The following L3MBTL1 variants were observed in gnomAD, a reference collection of about 807,000 sequenced individuals.
L3MBTL1 encodes L3MBTL histone methyl-lysine binding protein 1.
Under a neutral mutation model 105.3 loss-of-function variants are expected in L3MBTL1, and 75 were observed. The observed-to-expected ratio is 0.71, with a 90% CI of 0.59 to 0.86. The LOEUF is 0.86. L3MBTL1 is among the 40% of genes least tolerant of loss of function. L3MBTL1 has a pLI of 0.00. For missense variants in L3MBTL1, 1,069 were observed against 1,126.4 expected, an observed-to-expected ratio of 0.95 and a Z score of 0.73; for synonymous variants, 452 against 436.2, an observed-to-expected ratio of 1.04 and a Z score of -0.45.
At chr20:43,524,259 T>C (rs1017495363) in intron 7 of L3MBTL1, among the ~76,000 whole-genome samples, 4 of 152,258 alleles carry the variant, frequency 2.6e-5, no homozygotes, top group Non-Finnish European at 5.9e-5. Flanking sequence ...CCTTTTCTAA[T>C]ATGTTTATTT....
intron 7 of L3MBTL1, among the ~76,000 whole-genome samples, chr20:43,521,889 A>G (rs957174686): frequency 6.6e-6 from 1 of 152,110 alleles, no homozygotes; most frequent in Non-Finnish European, 1.5e-5. Context: ...ATTTTCACTG[A>G]TACTCCATTT....
intron 1 of L3MBTL1, among the ~76,000 whole-genome samples, chr20:43,509,016 T>G (rs1214523534): frequency 6.6e-6 from 1 of 152,130 alleles, no homozygotes; most frequent in Non-Finnish European, 1.5e-5. Flanking sequence ...CTGAAAACTT[T>G]CTTCAGTGTC....
At chr20:43,533,967 A>G in intron 13 of L3MBTL1, 41 bp from the exon 14 acceptor site, 1 of 1,458,288 alleles carries the variant, frequency 6.9e-7, no homozygotes, top group Non-Finnish European at 9.6e-7. Context: ...CTTCCGCAGT[A>G]CACCTGGGTG....
At chr20:43,536,363 G>A (rs2019620924) in intron 18 of L3MBTL1, 46 bp from the exon 19 acceptor site, 1 of 1,613,408 alleles carries the variant, frequency 6.2e-7, no homozygotes, top group African/African-American at 1.3e-5. Flanking sequence ...CTTGGACTGG[G>A]CCAGACACTG....
At chr20:43,517,927 GAAGGCA>G (rs1174829391) in intron 7 of L3MBTL1, among the ~76,000 whole-genome samples, 1 of 152,204 alleles carries the variant, frequency 6.6e-6, no homozygotes, top group Non-Finnish European at 1.5e-5. Flanking sequence ...ATTCATATCA[GAAGGCA>G]AAGGTTTAGC....
intron 1 of L3MBTL1, among the ~76,000 whole-genome samples, chr20:43,512,326 G>T (rs1010590509): frequency 6.6e-6 from 1 of 152,090 alleles, no homozygotes; most frequent in Non-Finnish European, 1.5e-5. Flanking sequence ...ATTTTAATAC[G>T]TCTAAAGCTG....
Position 43,530,890 on chromosome 20 carries a change from G to C in L3MBTL1, c.1284+1G>C, listed in dbSNP as rs538643774. The C allele has an allele frequency of 6.2e-7, 1 of 1,612,828 alleles. No homozygotes were observed. Among genetic ancestry groups the C allele is most frequent in the Non-Finnish European group, 8.5e-7 (1 of 1,179,272 alleles). On this transcript the variant is annotated splice_donor_variant, in intron 11 of 21. Transcript: ENST00000418998. LOFTEE classifies it high-confidence loss of function. ...GCACCTGTTTGTGAGCCAGAGCCAC[G>C]TGAGTGCCCCTGAGTGAGAGTGGAT...
Position 43,541,282 on chromosome 20 carries a change from T to C in L3MBTL1, c.*154T>C. 4.4e-6 allele frequency: 6 copies of C among 1,377,586 alleles called. No individual in the cohort carries two copies. Among genetic ancestry groups the C allele is most frequent in the Non-Finnish European group, 5.7e-6 (6 of 1,045,454 alleles). 85.3% of individuals were successfully genotyped at this position (1,377,586 alleles called of 1,614,324 possible). A position where few individuals can be genotyped will look rare whatever the true frequency, so the allele number is the denominator to read the frequency against. On this transcript the variant is annotated 3_prime_UTR_variant, in exon 22 of 22. Coordinates refer to ENST00000418998, the MANE Select transcript of L3MBTL1 (RefSeq NM_001377303.1). ...TGTAGATAAAAAAAGAATGTCAGCT[T>C]TGGAGACAGTCTGGGTTTAAATCCC...
intron 18 of L3MBTL1, among the ~76,000 whole-genome samples, chr20:43,547,258 C>T (rs1195832646): frequency 6.6e-6 from 1 of 152,072 alleles, no homozygotes; most frequent in Non-Finnish European, 1.5e-5. Context: ...GCGCCCGCCA[C>T]CACGCCCAGC....
Position 43,522,457 on chromosome 20 carries a change from G to GTTTTTTTTT in L3MBTL1, c.863-6177_863-6169dup, listed in dbSNP as rs1176856356. 6.3e-3 allele frequency among the ~76,000 whole-genome samples: 602 copies of GTTTTTTTTT among 95,654 alleles called. 87 individuals are homozygous for GTTTTTTTTT. Among genetic ancestry groups the GTTTTTTTTT allele is most frequent in the Non-Finnish European group, 7.7e-3 (406 of 52,946 alleles). The allele number at this position is 95,654 out of a possible 152,430, so 62.8% of individuals were successfully genotyped here. On this transcript the variant is annotated intron_variant, in intron 7 of 21. Coordinates refer to ENST00000418998, the MANE Select transcript of L3MBTL1 (RefSeq NM_001377303.1). ...TGGTAACTGAATTTTTCCCTGCTAA[G>GTTTTTTTTT]TTTTTTTTTTTTTTTTTTTTTTTTT...
At chr20:43,523,085 T>A (rs2018821700) in intron 7 of L3MBTL1, among the ~76,000 whole-genome samples, 1 of 151,870 alleles carries the variant, frequency 6.6e-6, no homozygotes, top group African/African-American at 2.4e-5. Flanking sequence ...CCAGCCTGGG[T>A]GACAGAGTGA....
chr20:43,544,730 C>T (rs1978470889), downstream of L3MBTL1, among the ~76,000 whole-genome samples: 1 of 152,090 alleles, frequency 6.6e-6, no homozygotes, highest in South Asian at 2.1e-4. Flanking sequence ...TTTGGGAGGC[C>T]AAGGCGGGCG....
rs538951967 is a variant in L3MBTL1, at chr20:43,513,709, C to T, written c.136+70C>T. 16 of 1,546,446 alleles carry T rather than the reference C, an allele frequency of 1.0e-5. No individual in the cohort carries two copies. In the Admixed American group the frequency reaches 2.0e-4, roughly 19 times the overall value. On this transcript the variant is annotated intron_variant, in intron 2 of 21. Transcript: ENST00000418998. Reference sequence around the variant, plus strand: ...GTACCTGCTCAAGCAAGTGTGGATCCTGGAGAGGGGATGACCGTTTTCACT... The same window carrying T: ...GTACCTGCTCAAGCAAGTGTGGATCTTGGAGAGGGGATGACCGTTTTCACT...
In L3MBTL1 at chr20:43,540,773, C is replaced by T. The variant is rs1334680643; in HGVS notation, c.2352C>T (p.Thr784=). The T allele has an allele frequency of 6.2e-7, 1 of 1,614,194 alleles. No homozygotes were observed. Among genetic ancestry groups the T allele is most frequent in the Non-Finnish European group, 8.5e-7 (1 of 1,180,036 alleles). Residue 784 remains threonine (T), a synonymous_variant, in exon 21 of 22, where the codon ACC becomes ACT. Transcript: ENST00000418998. ...TIDEVFGFVQ[T]LTGCEDQARL... ...CCAAGGTCTTCGGCTTTGTTCAGACCCTGACAGGTTGTGAGGACCAAGCAC... is the reference window on the plus strand; with the variant it reads ...CCAAGGTCTTCGGCTTTGTTCAGACTCTGACAGGTTGTGAGGACCAAGCAC...
chr20:43,543,665 G>A (rs1241394792), downstream of L3MBTL1, among the ~76,000 whole-genome samples: 1 of 152,162 alleles, frequency 6.6e-6, no homozygotes, highest in East Asian at 1.9e-4. Flanking sequence ...CCAGGAGTGG[G>A]CTCTCTCTGG....
chr20:43,533,038 T>G, intron 12 of L3MBTL1, 114 bp downstream of exon 12: 1 of 1,012,318 alleles, frequency 9.9e-7, no homozygotes, highest in Non-Finnish European at 1.5e-6. Context: ...CATTCAGATC[T>G]TCCTCCGGTT....
At chr20:43,514,301 T>TG in intron 3 of L3MBTL1, 1 of 867,410 alleles carries the variant, frequency 1.2e-6, no homozygotes, top group Non-Finnish European at 1.7e-6. Flanking sequence ...TGTGGGTGTC[T>TG]GGGGGCGTGG....
intron 7 of L3MBTL1, among the ~76,000 whole-genome samples, chr20:43,524,058 C>T (rs1178431422): frequency 6.6e-6 from 1 of 151,756 alleles, no homozygotes; most frequent in African/African-American, 2.4e-5. Flanking sequence ...AACTCCTGGC[C>T]TTAAGCAATC....
chr20:43,514,896 G>C, intron 4 of L3MBTL1, 113 bp from the exon 5 acceptor site: 1 of 1,461,394 alleles, frequency 6.8e-7, no homozygotes, highest in Non-Finnish European at 9.2e-7. Context: ...GCTGGAGGAG[G>C]CCATCCGATG....
Sources: gnomAD v4.1 joint callset for allele counts (sites outside exome capture counted in the v4.1 genomes callset) on GRCh38, gnomAD v4.1.1 for gene constraint, MANE v1.5 for transcripts, NCBI Gene and HGNC (gene_info 2026-07-23, HGNC 2026-07-21) for gene names.